The following DENND4A variants were observed in gnomAD, a reference collection of about 807,000 sequenced individuals.
The protein encoded by DENND4A is DENN domain containing 4A, also known as C-myc promoter-binding protein.
In DENND4A, 70 loss-of-function variants were observed where a neutral mutation model predicts 199.3. The observed-to-expected ratio is 0.35, with a 90% confidence interval of 0.29 to 0.43. DENND4A has a LOEUF of 0.43. DENND4A is among the 20% of genes least tolerant of loss of function. The probability of loss-of-function intolerance (pLI) is 1.00; values close to 1 mark genes in which losing one functional copy is unlikely to be tolerated. For missense variants in DENND4A, 1,723 were observed against 2,255.8 expected (o/e 0.76, Z 4.78); for synonymous variants, 686 against 766.9 (o/e 0.89, Z 1.74).
intron 7 of DENND4A, among the ~76,000 whole-genome samples, chr15:65,735,744 A>G (rs548133622): frequency 1.3e-5 from 2 of 152,318 alleles, no homozygotes; most frequent in African/African-American, 4.8e-5. Context: ...TGTGCAACTG[A>G]GTTGTGAGTG....
At chr15:65,778,893 CAAA>C (rs375471173) in intron 1 of DENND4A, among the ~76,000 whole-genome samples, 14 of 107,350 alleles carry the variant, frequency 1.3e-4, no homozygotes, top group Admixed American at 2.1e-4. Context: ...GACTCCGCAT[CAAA>C]AAAAAAAAAA....
chr15:65,691,674 T>C (rs1175818157), intron 22 of DENND4A, among the ~76,000 whole-genome samples, 163 bp from the exon 23 acceptor site: 3 of 152,120 alleles, frequency 2.0e-5, no homozygotes, highest in African/African-American at 7.2e-5. Context: ...TATTTCCTAC[T>C]GTAAACATTC....
chr15:65,726,064 T>A (rs1013611589), intron 11 of DENND4A: 1 of 152,122 alleles, frequency 6.6e-6, no homozygotes, highest in African/African-American at 2.4e-5. Context: ...TCATTAGTGA[T>A]CAAAGCAGAA....
At chr15:65,708,868 C>T (rs2075146712) in intron 14 of DENND4A, among the ~76,000 whole-genome samples, 1 of 152,172 alleles carries the variant, frequency 6.6e-6, no homozygotes, top group South Asian at 2.1e-4. Context: ...AACAAGAACA[C>T]ATGGTTCTTA....
chr15:65,741,888 A>T, intron 4 of DENND4A, 104 bp from the exon 5 acceptor site: 1 of 758,404 alleles, frequency 1.3e-6, no homozygotes, highest in Non-Finnish European at 2.0e-6. Flanking sequence ...AATATGTAGT[A>T]ACAAATTTCC....
At chr15:65,719,260 G>A (rs1021831464) in intron 12 of DENND4A, 4 of 151,478 alleles carry the variant, frequency 2.6e-5, no homozygotes, top group African/African-American at 9.7e-5. Flanking sequence ...AAAAGGGAAA[G>A]AAGAACTATT....
At chr15:65,675,998 A>T (rs1224249987) in intron 24 of DENND4A, among the ~76,000 whole-genome samples, 2 of 151,790 alleles carry the variant, frequency 1.3e-5, no homozygotes, top group African/African-American at 4.8e-5. Context: ...TTTGTACTAT[A>T]TAGCTGAAAA....
At chr15:65,677,604 GA>G (rs1217137136) in intron 23 of DENND4A, among the ~76,000 whole-genome samples, 3 of 152,116 alleles carry the variant, frequency 2.0e-5, no homozygotes, top group Non-Finnish European at 2.9e-5. Context: ...TCCTAAATGA[GA>G]AAAAAATTTT....
intron 14 of DENND4A, among the ~76,000 whole-genome samples, chr15:65,714,345 G>A (rs936093053): frequency 7.9e-5 from 12 of 151,704 alleles, no homozygotes; most frequent in Admixed American, 2.6e-4. Flanking sequence ...CCTGGGAGGC[G>A]GAGCTTGCAG....
chr15:65,694,878 CTTA>C (rs2077091136), intron 22 of DENND4A, among the ~76,000 whole-genome samples: 2 of 152,050 alleles, frequency 1.3e-5, no homozygotes, highest in South Asian at 4.1e-4. Flanking sequence ...TAACCAGATG[CTTA>C]TTATTCTGAC....
At chr15:65,781,675 T>C (rs1448570565) in intron 1 of DENND4A, among the ~76,000 whole-genome samples, 1 of 152,134 alleles carries the variant, frequency 6.6e-6, no homozygotes, top group African/African-American at 2.4e-5. Context: ...TAAAGTCCAG[T>C]TTGGACAAGA....
At position 65,661,895 on chromosome 15, in the gene DENND4A, C is replaced by T; in HGVS notation, c.5680G>A (p.Gly1894Arg). The change falls in exon 33 of 33, where the codon GGG (glycine) becomes AGG (arginine). Residue 1894 changes from glycine to arginine, a missense_variant. By Grantham distance (125) the Gly-to-Arg change is moderately radical. Transcript: ENST00000443035. The part of the protein sequence containing the change: ...THNCDRPPST[G>R]VMECRKTFGE... ...AAGGTTTTTCGACATTCCATCACCCCTGTACTTGGTGGTCTATCACAGTTG... is the reference window on the plus strand; with the variant it reads ...AAGGTTTTTCGACATTCCATCACCCTTGTACTTGGTGGTCTATCACAGTTG... 1.2e-6 allele frequency: 2 copies of T among 1,612,688 alleles called. No homozygotes were observed. Among genetic ancestry groups the T allele is most frequent in the Non-Finnish European group, 1.7e-6 (2 of 1,179,308 alleles).
At chr15:65,736,939 T>G (rs543297609) in intron 7 of DENND4A, among the ~76,000 whole-genome samples, 4 of 152,322 alleles carry the variant, frequency 2.6e-5, no homozygotes, top group African/African-American at 9.6e-5. Flanking sequence ...TATATTAACA[T>G]GCAATGGGTG....
rs2075688409 is a variant in DENND4A at position 65,722,826 on chromosome 15, TTTAA to T, written c.1588+18_1588+21del. ...CCCTTTTTCAGATTAAATTACCTCCTTTAATTAAGTTATCCACTTACATTTTGCC... is the reference window on the plus strand; with the variant it reads ...CCCTTTTTCAGATTAAATTACCTCCTTTAAGTTATCCACTTACATTTTGCC... On this transcript the variant is annotated intron_variant, in intron 12 of 32. Coordinates refer to ENST00000443035, the MANE Select transcript of DENND4A (RefSeq NM_001320835.1). 6.5e-7 allele frequency: 1 copy of T among 1,546,578 alleles called. No homozygotes were observed. Among genetic ancestry groups the T allele is most frequent in the Admixed American group, 2.0e-5 (1 of 51,038 alleles).
At chr15:65,676,162 A>ATATATATC (rs1346990602) in intron 24 of DENND4A, among the ~76,000 whole-genome samples, 7 of 146,548 alleles carry the variant, frequency 4.8e-5, no homozygotes, top group African/African-American at 1.7e-4. Context: ...ATATATATAT[A>ATATATATC]TATACCTATA....
Position 65,691,040 on chromosome 15 carries a change from T to C in DENND4A, c.3554A>G (p.Gln1185Arg). 1 of 1,612,606 alleles carries C rather than the reference T, an allele frequency of 6.2e-7. No individual in the cohort carries two copies. Among genetic ancestry groups the C allele is most frequent in the East Asian group, 2.2e-5 (1 of 44,878 alleles). The change falls in exon 23 of 33, where the codon CAA (glutamine) becomes CGA (arginine). Residue 1185 changes from glutamine to arginine, a missense_variant. Around this residue, in one of 6 missense-constraint regions of DENND4A, gnomAD observed 650 missense variants for 738.1 expected, o/e 0.88. Transcript: ENST00000443035. ...CATACGTTGAATCCTCTTGGGATTT[T>C]GTGTAGCAACACATCCTGCTTTTGA... Reference protein sequence around the residue: ...DVSKAGCVATQNPKRIQRMNS... With the variant: ...DVSKAGCVATRNPKRIQRMNS...
intron 23 of DENND4A, among the ~76,000 whole-genome samples, chr15:65,679,697 A>AT (rs961819800): frequency 7.1e-4 from 104 of 145,498 alleles, no homozygotes; most frequent in Admixed American, 6.9e-4. Flanking sequence ...CACCTGGCTA[A>AT]TTTTTTTTTT....
At position 65,768,268 on chromosome 15, in the gene DENND4A, C is replaced by T. The variant is rs145823604; in HGVS notation, c.-101-6830G>A. ...CTGGGCTCAAGTGATCTGCCCGTGC[C>T]GGCATCCCAAAGTGTTGGAATAACA... is the stretch of plus-strand genomic sequence containing the variant. On this transcript the variant is annotated intron_variant, in intron 1 of 32. Transcript: ENST00000443035. Among the ~76,000 whole-genome samples the T allele has an allele frequency of 3.7e-4, 56 of 152,272 alleles. 2 individuals carry two copies. The highest frequency in any genetic ancestry group is 1.3e-3 in the African/African-American group (55 of 41,550).
chr15:65,673,382 G>T (rs571901247), intron 24 of DENND4A, among the ~76,000 whole-genome samples: 1 of 151,874 alleles, frequency 6.6e-6, no homozygotes, highest in South Asian at 2.1e-4. Flanking sequence ...GAGGTGGGAT[G>T]ATCACCTGAA....
Sources: allele counts gnomAD v4.1 joint callset (sites outside exome capture counted in the v4.1 genomes callset), GRCh38; gene constraint gnomAD v4.1.1; regional missense constraint gnomAD v4.1.1; transcripts MANE v1.5; gene names NCBI Gene and HGNC (gene_info 2026-07-23, HGNC 2026-07-21).